The following MYRIP variants were observed in gnomAD, a reference collection of about 807,000 sequenced individuals.
The protein encoded by MYRIP is myosin VIIA and Rab interacting protein.
In MYRIP, 49 loss-of-function variants were observed where a neutral mutation model predicts 98.0. The ratio of observed to expected loss-of-function variants is 0.50; its 90% CI spans 0.40 to 0.63. The LOEUF (loss-of-function observed/expected upper bound fraction) is 0.63. MYRIP is among the 30% of genes least tolerant of loss of function. The pLI is 0.00. For missense variants in MYRIP, 1,004 were observed against 1,058.2 expected (o/e 0.95, Z 0.71); for synonymous variants, 404 against 409.5 (o/e 0.99, Z 0.16).
chr3:40,246,349 C>T (rs1953204276), intron 13 of MYRIP, among the ~76,000 whole-genome samples: 1 of 151,756 alleles, frequency 6.6e-6, no homozygotes. Context: ...TGGTGACATT[C>T]TTGTGAATCT....
At chr3:40,225,925 AC>A (rs538497394) in intron 11 of MYRIP, among the ~76,000 whole-genome samples, 7 of 152,088 alleles carry the variant, frequency 4.6e-5, no homozygotes, top group Admixed American at 4.6e-4. Context: ...TCTTTAGATG[AC>A]CCCTGTTAAC....
intron 1 of MYRIP, among the ~76,000 whole-genome samples, chr3:39,892,410 A>C (rs573559114): frequency 1.3e-5 from 2 of 152,346 alleles, no homozygotes; most frequent in African/African-American, 4.8e-5. Context: ...GCTACTCCCT[A>C]AGGCAGAGGC....
At chr3:39,869,362 A>T (rs940526987) in intron 1 of MYRIP, among the ~76,000 whole-genome samples, 6 of 152,060 alleles carry the variant, frequency 3.9e-5, no homozygotes, top group Non-Finnish European at 7.4e-5. Context: ...TGATTTTTTT[A>T]AAATTAGTTG....
chr3:39,911,589 A>G (rs1200078525), intron 2 of MYRIP, among the ~76,000 whole-genome samples: 1 of 152,226 alleles, frequency 6.6e-6, no homozygotes, highest in Non-Finnish European at 1.5e-5. Flanking sequence ...TTACATGTGC[A>G]TAGAATTCAG....
chr3:40,103,097 C>T (rs891022456), intron 3 of MYRIP, among the ~76,000 whole-genome samples: 1 of 151,918 alleles, frequency 6.6e-6, no homozygotes, highest in Non-Finnish European at 1.5e-5. Context: ...TAAAACTTTC[C>T]AGGATTCTCC....
At chr3:39,965,130 A>G (rs756925602) in intron 2 of MYRIP, among the ~76,000 whole-genome samples, 8 of 152,066 alleles carry the variant, frequency 5.3e-5, no homozygotes, top group Non-Finnish European at 1.2e-4. Flanking sequence ...ATAAATTTTC[A>G]CAAATGCATA....
intron 2 of MYRIP, among the ~76,000 whole-genome samples, chr3:40,042,757 C>G (rs1947570194): frequency 6.6e-6 from 1 of 152,118 alleles, no homozygotes; most frequent in African/African-American, 2.4e-5. Context: ...TATAGACGCT[C>G]CTTGATTTAC....
intron 2 of MYRIP, among the ~76,000 whole-genome samples, chr3:40,042,147 C>G (rs1424026092): frequency 3.5e-5 from 5 of 144,744 alleles, no homozygotes; most frequent in African/African-American, 1.3e-4. Context: ...CTTTACAGAT[C>G]AACTTTGTGA....
At chr3:39,942,360 A>G (rs1299933751) in intron 2 of MYRIP, among the ~76,000 whole-genome samples, 2 of 152,146 alleles carry the variant, frequency 1.3e-5, no homozygotes, top group Non-Finnish European at 2.9e-5. Flanking sequence ...ACCTTGCTGC[A>G]ACCAGTATTT....
Position 40,258,448 on chromosome 3 carries a change from A to AT in MYRIP, c.*283dup. ...CAGCAGCGCTCCATGTTTAAGATAC[A>AT]TATTTTCCCTGTTTGCTTTGCTACT... On this transcript the variant is annotated 3_prime_UTR_variant, in exon 17 of 17. Transcript: ENST00000302541. 1 of 402,760 alleles carries AT rather than the reference A, an allele frequency of 2.5e-6. No individual in the cohort carries two copies. The highest frequency in any genetic ancestry group is 4.5e-6 in the Non-Finnish European group (1 of 222,130). The allele number at this position is 402,760 out of a possible 1,614,324, so 24.9% of individuals were successfully genotyped here.
intron 2 of MYRIP, among the ~76,000 whole-genome samples, chr3:40,042,566 G>C (rs1033512721): frequency 6.8e-6 from 1 of 147,818 alleles, no homozygotes; most frequent in Non-Finnish European, 1.5e-5. Flanking sequence ...ATCACAACTG[G>C]GTATAAAAAA....
chr3:40,027,173 C>T (rs1053964078), intron 2 of MYRIP, among the ~76,000 whole-genome samples: 10 of 152,228 alleles, frequency 6.6e-5, no homozygotes, highest in Middle Eastern at 3.4e-3. Flanking sequence ...TCACTCCCCA[C>T]GTAGTTACAC....
At chr3:40,066,691 G>C (rs996665866) in intron 3 of MYRIP, among the ~76,000 whole-genome samples, 3 of 152,118 alleles carry the variant, frequency 2.0e-5, no homozygotes, top group Non-Finnish European at 4.4e-5. Context: ...CTACAGAGAA[G>C]GTTCTGTATT....
chr3:39,878,438 C>T (rs33999832), intron 1 of MYRIP, among the ~76,000 whole-genome samples: 20,657 of 152,184 alleles, frequency 0.14, 1,470 homozygotes, highest in Middle Eastern at 0.17. Context: ...TCTTCTGCGT[C>T]ACTCATGCTG....
chr3:40,138,146 T>C (rs1234522599), intron 3 of MYRIP, among the ~76,000 whole-genome samples: 2 of 152,258 alleles, frequency 1.3e-5, no homozygotes, highest in African/African-American at 2.4e-5. Context: ...GAAATGATGC[T>C]GTTGCCCGCA....
intron 1 of MYRIP, among the ~76,000 whole-genome samples, chr3:39,871,743 T>A (rs988539939): frequency 4.7e-4 from 71 of 152,230 alleles, no homozygotes; most frequent in Middle Eastern, 3.4e-3. Context: ...AGTTGTCTAA[T>A]GGAGATAGTG....
intron 1 of MYRIP, among the ~76,000 whole-genome samples, chr3:39,853,858 T>A (rs1212906025): frequency 2.0e-5 from 3 of 152,192 alleles, no homozygotes; most frequent in Non-Finnish European, 2.9e-5. Context: ...GTTTTTCCAA[T>A]GTTATCTTCT....
At chr3:39,904,117 G>C (rs941832576) in intron 2 of MYRIP, among the ~76,000 whole-genome samples, 1 of 152,146 alleles carries the variant, frequency 6.6e-6, no homozygotes, top group Non-Finnish European at 1.5e-5. Context: ...GATTAGACTT[G>C]GAGCTTAGTT....
At chr3:40,213,621 C>G (rs9311239) in intron 11 of MYRIP, among the ~76,000 whole-genome samples, 2 of 43,196 alleles carry the variant, frequency 4.6e-5, no homozygotes, top group Non-Finnish European at 6.9e-5. Context: ...CACACACACA[C>G]ACACACAGAC....
Sources: gnomAD v4.1 joint callset for allele counts (sites outside exome capture counted in the v4.1 genomes callset) on GRCh38, gnomAD v4.1.1 for gene constraint, MANE v1.5 for transcripts, NCBI Gene and HGNC (gene_info 2026-07-23, HGNC 2026-07-21) for gene names.